Variants in ZNF518A observed in about 807,000 individuals in gnomAD.
ZNF518A encodes the protein zinc finger protein 518.
ZNF518A carries 47 observed loss-of-function variants against 102.7 expected under a neutral mutation model. The ratio of observed to expected loss-of-function variants is 0.46; its 90% CI spans 0.36 to 0.58. The LOEUF (loss-of-function observed/expected upper bound fraction) is 0.58. Ranked by LOEUF, ZNF518A falls within the 20% of genes least tolerant of loss-of-function variation. ZNF518A has a pLI of 0.00. For synonymous variants in ZNF518A, 652 were observed against 594.6 expected, an observed-to-expected ratio of 1.10 and a Z score of -1.40; for missense variants, 1,793 against 1,699.8, an observed-to-expected ratio of 1.05 and a Z score of -0.96.
chr10:96,170,123 C>T (rs2083165206), intron 1 of ZNF518A, among the ~76,000 whole-genome samples: 1 of 152,134 alleles, frequency 6.6e-6, no homozygotes, highest in Non-Finnish European at 1.5e-5. Context: ...CACGTACAGC[C>T]CTGGGCATGA....
At chr10:96,204,050 T>C (rs1554896828) in exon 3 of ZNF518A, 1 of 1,612,704 alleles carries the variant, frequency 6.2e-7, no homozygotes, top group Admixed American at 1.7e-5. Flanking sequence ...GGCTTCGTTG[T>C]ACTTACTTGG....
At position 96,158,806 on chromosome 10, in the gene ZNF518A, A is replaced by G. The variant is rs782038273; in HGVS notation, c.2484A>G (p.Glu828=). 3.7e-6 allele frequency: 6 copies of G among 1,613,662 alleles called. No individual in the cohort carries two copies. Among genetic ancestry groups the G allele is most frequent in the African/African-American group, 1.3e-5 (1 of 74,934 alleles). ...ACGAGAGAGAAGGCAAAATTGTTGA[A>G]TCTTCGAAAGATTTCAAAGTGCAAG... The part of the protein sequence containing the change: ...QKHEREGKIV[E]SSKDFKVQGI... Residue 828 remains glutamate, a synonymous_variant, in exon 6 of 6, where the codon GAA becomes GAG. Transcript: ENST00000316045.
At chr10:96,177,904 T>A (rs2083215401) in intron 1 of ZNF518A, among the ~76,000 whole-genome samples, 1 of 151,678 alleles carries the variant, frequency 6.6e-6, no homozygotes, top group African/African-American at 2.4e-5. Flanking sequence ...TGATAAAGAG[T>A]TCCATTCATT....
At chr10:96,152,087 G>A (rs2082476104) in intron 3 of ZNF518A, among the ~76,000 whole-genome samples, 1 of 152,200 alleles carries the variant, frequency 6.6e-6, no homozygotes, top group African/African-American at 2.4e-5. Flanking sequence ...CAAGGCGAGT[G>A]GATCGCTTGA....
chr10:96,176,662 A>G (rs1458561704), intron 1 of ZNF518A, among the ~76,000 whole-genome samples: 3 of 152,172 alleles, frequency 2.0e-5, no homozygotes, highest in African/African-American at 7.2e-5. Flanking sequence ...CTGGGAAGCC[A>G]AGGCAGGAAG....
chr10:96,196,823 C>T (rs146158599), intron 1 of ZNF518A: 2 of 1,354,828 alleles, frequency 1.5e-6, no homozygotes, highest in Non-Finnish European at 2.1e-6. Context: ...ATCCTTTCTC[C>T]TCATCTCTAG....
At chr10:96,203,967 G>T in exon 3 of ZNF518A, 1 of 1,067,192 alleles carries the variant, frequency 9.4e-7, no homozygotes, top group South Asian at 1.4e-5. Flanking sequence ...AGCTGGAAGC[G>T]ACAGTGCTGT....
intron 1 of ZNF518A, among the ~76,000 whole-genome samples, chr10:96,191,072 T>A (rs897217624): frequency 7.9e-5 from 12 of 152,114 alleles, no homozygotes; most frequent in African/African-American, 2.9e-4. Context: ...GTTGTTGTGA[T>A]AGTGAGTAAG....
chr10:96,191,931 G>A, intron 1 of ZNF518A: 2 of 1,611,958 alleles, frequency 1.2e-6, no homozygotes, highest in Non-Finnish European at 1.7e-6. Flanking sequence ...GAAACTTTGG[G>A]AAAGTGTCTG....
Position 96,158,350 on chromosome 10 carries a change from A to G in ZNF518A, c.2028A>G (p.Gln676=), listed in dbSNP as rs1378095741. The change falls in exon 6 of 6, where the codon CAA becomes CAG. Residue 676 remains glutamine (Q), a synonymous_variant. Coordinates refer to ENST00000316045, the MANE Select transcript of ZNF518A (RefSeq NM_001330736.2). ...ESSSSKTVVQ[Q]PISESFLSLV... is the part of the protein sequence containing the mutation. ...CATCCAGCAAAACAGTTGTCCAACA[A>G]CCAATTAGTGAATCATTTTTATCAC... 10 of 1,613,658 alleles carry G rather than the reference A, an allele frequency of 6.2e-6. No individual in the cohort carries two copies. Among genetic ancestry groups the G allele is most frequent in the Non-Finnish European group, 8.5e-6 (10 of 1,179,762 alleles).
At chr10:96,174,557 G>A (rs138511237) in intron 1 of ZNF518A, among the ~76,000 whole-genome samples, 72 of 152,252 alleles carry the variant, frequency 4.7e-4, no homozygotes, top group African/African-American at 1.5e-3. Context: ...ATATGACCTA[G>A]ATGAAATTGA....
downstream of ZNF518A, among the ~76,000 whole-genome samples, chr10:96,166,911 T>G (rs1214244542): frequency 6.6e-6 from 1 of 152,162 alleles, no homozygotes; most frequent in Non-Finnish European, 1.5e-5. Context: ...CCTGGCCAAA[T>G]GAAGGGCAAA....
At position 96,160,633 on chromosome 10, in the gene ZNF518A, G is replaced by T; in HGVS notation, c.4311G>T (p.Val1437=). 1 of 1,613,128 alleles carries T rather than the reference G, an allele frequency of 6.2e-7. No individual in the cohort carries two copies. Among genetic ancestry groups the T allele is most frequent in the Non-Finnish European group, 8.5e-7 (1 of 1,179,494 alleles). The change falls in exon 6 of 6, where the codon GTG becomes GTT. Residue 1437 remains valine (V), a synonymous_variant. Coordinates refer to ENST00000316045, the MANE Select transcript of ZNF518A (RefSeq NM_001330736.2). ...KKTSKNNYQI[V]KTTSENILKA... is the part of the protein sequence containing the mutation. ...CAAGCAAAAACAATTACCAGATTGTGAAGACTACCTCTGAAAATATTTTGA... is the reference window on the plus strand; with the variant it reads ...CAAGCAAAAACAATTACCAGATTGTTAAGACTACCTCTGAAAATATTTTGA...
upstream of ZNF518A, chr10:96,130,072 T>G (rs1358388327): frequency 1.3e-5 from 2 of 152,728 alleles, no homozygotes; most frequent in African/African-American, 4.8e-5. Context: ...CGGATGGAAG[T>G]GTAATGGCCG....
chr10:96,184,224 C>T (rs1331807109), intron 1 of ZNF518A, among the ~76,000 whole-genome samples: 1 of 152,216 alleles, frequency 6.6e-6, no homozygotes, highest in African/African-American at 2.4e-5. Context: ...CTCCTGAATA[C>T]AGCACACTCA....
intron 3 of ZNF518A, among the ~76,000 whole-genome samples, chr10:96,143,197 A>C (rs1554877209): frequency 6.6e-6 from 1 of 151,818 alleles, no homozygotes; most frequent in African/African-American, 2.4e-5. Flanking sequence ...TAATTTCCTC[A>C]TTTCTATTTT....
intron 3 of ZNF518A, among the ~76,000 whole-genome samples, chr10:96,142,303 AGGGTGTGT>A (rs1385400597): frequency 2.2e-5 from 2 of 92,476 alleles, no homozygotes; most frequent in Non-Finnish European, 4.6e-5. Context: ...TAATATTCTT[AGGGTGTGT>A]GTGTGTGTGT....
Position 96,156,310 on chromosome 10 carries a change from T to C in ZNF518A, c.-13T>C, listed in dbSNP as rs1564767464. 2 of 1,545,750 alleles carry C rather than the reference T, an allele frequency of 1.3e-6. No individual in the cohort carries two copies. Among genetic ancestry groups the C allele is most frequent in the Non-Finnish European group, 1.7e-6 (2 of 1,153,796 alleles). On this transcript the variant is annotated 5_prime_UTR_variant, in exon 6 of 6. Coordinates refer to ENST00000316045, the MANE Select transcript of ZNF518A (RefSeq NM_001330736.2). ...TTCAGAAAAAAAGAAATTGGGACTTTTTTGGTTAAATCATGCCATCTGAAC... is the reference window on the plus strand; with the variant it reads ...TTCAGAAAAAAAGAAATTGGGACTTCTTTGGTTAAATCATGCCATCTGAAC...
intron 1 of ZNF518A, among the ~76,000 whole-genome samples, chr10:96,193,654 A>T (rs141142020): frequency 6.6e-6 from 1 of 152,196 alleles, no homozygotes; most frequent in African/African-American, 2.4e-5. Flanking sequence ...TGTATTTGAG[A>T]CAGATACATT....
Sources: allele counts gnomAD v4.1 joint callset (sites outside exome capture counted in the v4.1 genomes callset), GRCh38; gene constraint gnomAD v4.1.1; transcripts MANE v1.5; gene names NCBI Gene and HGNC (gene_info 2026-07-23, HGNC 2026-07-21).